Variants in PDE4D observed in about 807,000 individuals in gnomAD.
PDE4D encodes phosphodiesterase 4D.
PDE4D carries 24 observed loss-of-function variants against 87.4 expected under a neutral mutation model. The ratio of observed to expected loss-of-function variants is 0.27; its 90% confidence interval spans 0.20 to 0.39. The LOEUF is 0.39. Ranked by LOEUF, PDE4D falls within the 10% of genes least tolerant of loss-of-function variation. The pLI, the probability that PDE4D is intolerant of heterozygous loss-of-function variation, is 1.00. For missense variants in PDE4D, 714 were observed against 1,041.0 expected (o/e 0.69, Z 4.32); for synonymous variants, 384 against 383.2 (o/e 1.00, Z -0.02).
At chr5:60,423,784 A>G (rs934837271) in intron 1 of PDE4D, among the ~76,000 whole-genome samples, 1 of 152,178 alleles carries the variant, frequency 6.6e-6, no homozygotes, top group African/African-American at 2.4e-5. Context: ...GATCAAAAAA[A>G]TAGACTGCTA....
In PDE4D at chr5:60,249,390, G is replaced by A. The variant is rs560623663; in HGVS notation, c.-89-63703C>T. Among the ~76,000 whole-genome samples the A allele has an allele frequency of 2.0e-5, 3 of 152,168 alleles. No homozygotes were observed. In the East Asian group the frequency reaches 5.8e-4, roughly 30 times the overall value. On this transcript the variant is annotated intron_variant, in intron 1 of 16. Transcript: ENST00000502484. The stretch of plus-strand genomic sequence containing the variant: ...GAAACTCAGTTTTCTGACTCTTAGT[G>A]AAATGGATCATTCAAGAGTAAAGCA...
chr5:59,701,299 A>C (rs1752522499), intron 1 of PDE4D, among the ~76,000 whole-genome samples: 1 of 152,180 alleles, frequency 6.6e-6, no homozygotes, highest in African/African-American at 2.4e-5. Context: ...GCATAGTGCT[A>C]ATCACGGCAC....
intron 1 of PDE4D, among the ~76,000 whole-genome samples, chr5:59,738,739 A>G (rs568189171): frequency 1.4e-4 from 22 of 151,842 alleles, no homozygotes; most frequent in Admixed American, 5.9e-4. Flanking sequence ...ACTCTAGAGT[A>G]TATTTATCTT....
intron 1 of PDE4D, among the ~76,000 whole-genome samples, chr5:60,296,437 C>A (rs544599966): frequency 7.3e-5 from 11 of 150,216 alleles, no homozygotes; most frequent in East Asian, 3.9e-4. Context: ...AGCTATTATT[C>A]AAAAAAAAAT....
At chr5:59,916,448 A>G (rs1425419233) in intron 3 of PDE4D, among the ~76,000 whole-genome samples, 2 of 152,220 alleles carry the variant, frequency 1.3e-5, no homozygotes, top group Non-Finnish European at 2.9e-5. Context: ...CATACAGTGA[A>G]CAATAAGACA....
intron 5 of PDE4D, among the ~76,000 whole-genome samples, chr5:59,141,014 A>G (rs575458507): frequency 3.3e-5 from 5 of 152,338 alleles, no homozygotes; most frequent in African/African-American, 1.2e-4. Context: ...GAGAAGAGTT[A>G]AAAACTATAA....
intron 1 of PDE4D, among the ~76,000 whole-genome samples, chr5:59,535,678 G>C (rs1303288767): frequency 6.6e-6 from 1 of 152,056 alleles, no homozygotes; most frequent in African/African-American, 2.4e-5. Context: ...TTTAACACGT[G>C]GGCTATAAAA....
intron 1 of PDE4D, among the ~76,000 whole-genome samples, chr5:59,348,797 ATTATAT>A (rs1780034157): frequency 6.6e-6 from 1 of 151,960 alleles, no homozygotes; most frequent in South Asian, 2.1e-4. Context: ...CAGCTAATGA[ATTATAT>A]AATTTGAGCC....
At chr5:60,303,866 A>T (rs982749035) in intron 1 of PDE4D, among the ~76,000 whole-genome samples, 1 of 152,182 alleles carries the variant, frequency 6.6e-6, no homozygotes, top group African/African-American at 2.4e-5. Context: ...TTCTGTCTCA[A>T]TGATCTGTCT....
intron 1 of PDE4D, among the ~76,000 whole-genome samples, chr5:60,397,791 A>G (rs1762983219): frequency 6.6e-6 from 1 of 152,188 alleles, no homozygotes; most frequent in African/African-American, 2.4e-5. Context: ...TAGATCTATA[A>G]TCTCATCCTT....
At chr5:59,200,299 GTGTATGTACAGCTACACGTATACATACAC>G (rs1746858944) in intron 2 of PDE4D, among the ~76,000 whole-genome samples, 1 of 135,250 alleles carries the variant, frequency 7.4e-6, no homozygotes, top group African/African-American at 3.0e-5. Context: ...ACATACATAT[GTGTATGTACAGCTACACGTATACATACAC>G]GTGTATGTAC....
chr5:60,050,610 T>C (rs923611757), intron 2 of PDE4D, among the ~76,000 whole-genome samples: 2 of 152,108 alleles, frequency 1.3e-5, no homozygotes, highest in African/African-American at 2.4e-5. Context: ...ATCAACACTA[T>C]GAAGAAACTG....
At chr5:59,008,035 G>C (rs1226936678) in intron 6 of PDE4D, among the ~76,000 whole-genome samples, 1 of 151,992 alleles carries the variant, frequency 6.6e-6, no homozygotes, top group African/African-American at 2.4e-5. Context: ...GATACAGTTT[G>C]AATTCATATA....
At chr5:60,306,743 T>A (rs1299170602) in intron 1 of PDE4D, among the ~76,000 whole-genome samples, 1 of 151,992 alleles carries the variant, frequency 6.6e-6, no homozygotes, top group African/African-American at 2.4e-5. Context: ...ACTAATGCAG[T>A]GGCAATAATG....
At chr5:59,172,859 A>T (rs1165774820) in intron 5 of PDE4D, 1 of 152,108 alleles carries the variant, frequency 6.6e-6, no homozygotes, top group Admixed American at 6.6e-5. Flanking sequence ...TGCATGCCAT[A>T]TATAAGGTGC....
At chr5:58,985,704 C>A (rs1211120344) in intron 11 of PDE4D, among the ~76,000 whole-genome samples, 2 of 152,146 alleles carry the variant, frequency 1.3e-5, no homozygotes, top group East Asian at 3.9e-4. Context: ...GAGGCAAGAG[C>A]TGAGAATGTG....
intron 1 of PDE4D, among the ~76,000 whole-genome samples, chr5:59,819,056 A>G (rs1423276936): frequency 6.6e-6 from 1 of 152,192 alleles, no homozygotes; most frequent in African/African-American, 2.4e-5. Flanking sequence ...TTTGATCTAT[A>G]CGTGCCTTAT....
chr5:59,413,457 C>CAAAAAAAAAAAAAAAAAAAAAAAAAA (rs34074485), intron 1 of PDE4D, among the ~76,000 whole-genome samples: 18 of 54,422 alleles, frequency 3.3e-4, no homozygotes, highest in African/African-American at 1.3e-3. Flanking sequence ...GACTCCATCT[C>CAAAAAAAAAAAAAAAAAAAAAAAAAA]AAAAAAAAAA....
chr5:60,331,478 G>A lies in PDE4D; in HGVS notation c.-89-145791C>T, dbSNP rs529950834. Among the ~76,000 whole-genome samples, 4 of 152,264 alleles carry A rather than the reference G, an allele frequency of 2.6e-5. No individual in the cohort carries two copies. The East Asian group carries it at 5.8e-4, about 22-fold the overall frequency. ...GAGATTTGCAAACTTATGTATGGACGCCATGGTTTCTCATTCATTCACATT... is the reference window on the plus strand; with the variant it reads ...GAGATTTGCAAACTTATGTATGGACACCATGGTTTCTCATTCATTCACATT... On this transcript the variant is annotated intron_variant, in intron 1 of 16. Transcript: ENST00000502484.
Sources: gnomAD v4.1 joint callset for allele counts (sites outside exome capture counted in the v4.1 genomes callset) on GRCh38, gnomAD v4.1.1 for gene constraint, MANE v1.5 for transcripts, NCBI Gene and HGNC (gene_info 2026-07-23, HGNC 2026-07-21) for gene names.